The following DLG1 variants were observed in gnomAD, a reference collection of about 807,000 sequenced individuals.
The protein encoded by DLG1 is disks large homolog 1.
DLG1 carries 42 observed loss-of-function variants against 123.4 expected under a neutral mutation model. That is an observed-to-expected ratio of 0.34 (90% CI 0.27 to 0.44). The LOEUF is 0.44. DLG1 is among the 20% of genes least tolerant of loss of function. DLG1 has a pLI of 1.00. For synonymous variants in DLG1, 317 were observed against 356.2 expected (o/e 0.89, Z 1.24); for missense variants, 942 against 1,082.6 (o/e 0.87, Z 1.82).
chr3:197,211,648 C>T (rs1237831973), intron 4 of DLG1, among the ~76,000 whole-genome samples: 1 of 146,736 alleles, frequency 6.8e-6, no homozygotes, highest in Admixed American at 6.8e-5. Context: ...TACTTATACA[C>T]TGTTGTTGGG....
chr3:197,235,213 G>T (rs1216070557), intron 4 of DLG1, among the ~76,000 whole-genome samples: 1 of 152,134 alleles, frequency 6.6e-6, no homozygotes, highest in Non-Finnish European at 1.5e-5. Flanking sequence ...AGAAACCCAA[G>T]CCAATACAGC....
chr3:197,290,814 C>G (rs1774461913), intron 3 of DLG1, among the ~76,000 whole-genome samples: 1 of 147,682 alleles, frequency 6.8e-6, no homozygotes, highest in African/African-American at 2.5e-5. Flanking sequence ...AGGAGGATTG[C>G]TTGAGCCTGG....
At chr3:197,282,615 A>G in intron 4 of DLG1, 64 bp downstream of exon 4, 1 of 1,074,226 alleles carries the variant, frequency 9.3e-7, no homozygotes, top group Non-Finnish European at 1.3e-6. Context: ...TAAAATAAAG[A>G]AACATAGTAA....
chr3:197,288,849 C>T (rs1773413492), intron 3 of DLG1, among the ~76,000 whole-genome samples: 1 of 149,782 alleles, frequency 6.7e-6, no homozygotes, highest in Non-Finnish European at 1.5e-5. Context: ...ATGTATAGTA[C>T]AGAGAAATCA....
rs372216372 is a variant in DLG1, at chr3:197,056,698, T to C, written c.2483+3191A>G. ...ATATGTTTCAAACACAGATGAGCAA[T>C]ATTAGAAAAATCGTATCATACAGCT... On this transcript the variant is annotated intron_variant, in intron 23 of 24. Coordinates refer to ENST00000667157, the MANE Select transcript of DLG1 (RefSeq NM_001366207.1). 7.9e-5 allele frequency among the ~76,000 whole-genome samples: 12 copies of C among 152,338 alleles called. No homozygotes were observed. The East Asian group carries it at 1.5e-3, about 20-fold the overall frequency.
intron 9 of DLG1, among the ~76,000 whole-genome samples, chr3:197,137,928 C>A (rs112223222): frequency 1.3e-5 from 2 of 151,302 alleles, no homozygotes; most frequent in African/African-American, 4.8e-5. Flanking sequence ...GCCATGACTG[C>A]ACCACTGGAC....
chr3:197,283,970 T>C (rs1164227147), intron 3 of DLG1, among the ~76,000 whole-genome samples: 2 of 150,320 alleles, frequency 1.3e-5, no homozygotes, highest in South Asian at 2.1e-4. Context: ...CATGCGATTC[T>C]CCTGACTCAG....
chr3:197,061,542 T>C (rs890684211), intron 22 of DLG1, among the ~76,000 whole-genome samples: 3 of 151,844 alleles, frequency 2.0e-5, no homozygotes, highest in Non-Finnish European at 4.4e-5. Flanking sequence ...ACATTGTATT[T>C]AGTTGTAAAG....
At chr3:197,256,317 TA>T (rs1429995866) in intron 4 of DLG1, among the ~76,000 whole-genome samples, 3 of 152,268 alleles carry the variant, frequency 2.0e-5, no homozygotes, top group African/African-American at 7.2e-5. Flanking sequence ...ACAAGGTAAG[TA>T]AATGAGTGAG....
chr3:197,092,407 C>G (rs760968283), intron 14 of DLG1, among the ~76,000 whole-genome samples: 3 of 152,234 alleles, frequency 2.0e-5, no homozygotes, highest in Non-Finnish European at 2.9e-5. Flanking sequence ...ACCACCAACA[C>G]TACTACCATG....
intron 5 of DLG1, among the ~76,000 whole-genome samples, chr3:197,164,066 T>A (rs1428987334): frequency 6.6e-6 from 1 of 151,944 alleles, no homozygotes; most frequent in Non-Finnish European, 1.5e-5. Context: ...TTAGGGAAAG[T>A]AATTTGGCAG....
At chr3:197,166,487 G>A (rs1302880417) in intron 5 of DLG1, among the ~76,000 whole-genome samples, 3 of 152,190 alleles carry the variant, frequency 2.0e-5, no homozygotes, top group African/African-American at 4.8e-5. Context: ...GTGTATATAT[G>A]TGCATAGGTC....
chr3:197,157,134 T>G (rs149371372), intron 5 of DLG1, among the ~76,000 whole-genome samples: 2 of 152,322 alleles, frequency 1.3e-5, no homozygotes, highest in African/African-American at 4.8e-5. Flanking sequence ...CTTTCACCAC[T>G]TGTACTCAAC....
intron 4 of DLG1, among the ~76,000 whole-genome samples, chr3:197,239,223 T>G (rs1290107898): frequency 6.6e-6 from 1 of 151,984 alleles, no homozygotes; most frequent in African/African-American, 2.4e-5. Flanking sequence ...CTAGATAACC[T>G]AAATGAAATG....
chr3:197,226,238 T>C (rs935694817), intron 4 of DLG1: 2 of 152,246 alleles, frequency 1.3e-5, no homozygotes, highest in African/African-American at 2.4e-5. Flanking sequence ...AAAGTGCTCA[T>C]TTAGCACCAC....
chr3:197,208,795 G>C (rs143859694), intron 4 of DLG1, among the ~76,000 whole-genome samples: 10 of 145,790 alleles, frequency 6.9e-5, no homozygotes, highest in African/African-American at 2.4e-4. Flanking sequence ...GTTGCTTGAC[G>C]AGAGGAGATT....
Position 197,209,741 on chromosome 3 carries a change from A to G in DLG1, c.319-15152T>C, listed in dbSNP as rs1449364983. ...ATTCCTAATATTTGAACATTAAACAACACACTTCTAAAAATCTCATGGTTC... is the reference window on the plus strand; with the variant it reads ...ATTCCTAATATTTGAACATTAAACAGCACACTTCTAAAAATCTCATGGTTC... On this transcript the variant is annotated intron_variant, in intron 4 of 24. Transcript: ENST00000667157. Among the ~76,000 whole-genome samples the G allele has an allele frequency of 2.0e-5, 3 of 146,680 alleles. 1 individual carries two copies. In the East Asian group the frequency reaches 5.9e-4, roughly 29 times the overall value.
chr3:197,175,349 A>G (rs562043838), intron 5 of DLG1, among the ~76,000 whole-genome samples: 12 of 152,340 alleles, frequency 7.9e-5, no homozygotes, highest in Non-Finnish European at 1.5e-4. Flanking sequence ...TAATTTAAGA[A>G]AATTTATTTA....
intron 21 of DLG1, 100 bp downstream of exon 21, chr3:197,065,607 TA>T: frequency 9.8e-7 from 1 of 1,018,788 alleles, no homozygotes; most frequent in South Asian, 1.6e-5. Flanking sequence ...ACTGATAAAA[TA>T]AGTACAAACC....
Sources: allele counts gnomAD v4.1 joint callset (sites outside exome capture counted in the v4.1 genomes callset), GRCh38; gene constraint gnomAD v4.1.1; transcripts MANE v1.5; gene names NCBI Gene and HGNC (gene_info 2026-07-23, HGNC 2026-07-21).